The following PAPPA variants were observed in gnomAD, a reference collection of about 807,000 sequenced individuals.
PAPPA encodes pappalysin-1.
PAPPA carries 60 observed loss-of-function variants against 164.0 expected under a neutral mutation model. That is an observed-to-expected ratio of 0.37 (90% CI 0.30 to 0.45). The LOEUF is 0.45. Among genes scored for constraint, PAPPA ranks in the 20% least tolerant of loss-of-function variants. The pLI, the probability that PAPPA is intolerant of heterozygous loss-of-function variation, is 1.00. For missense variants in PAPPA, 1,782 were observed against 2,087.3 expected, an observed-to-expected ratio of 0.85 and a Z score of 2.85; for synonymous variants, 875 against 814.1, an observed-to-expected ratio of 1.07 and a Z score of -1.27.
At chr9:116,297,254 T>C (rs1199657106) in intron 9 of PAPPA, among the ~76,000 whole-genome samples, 2 of 152,200 alleles carry the variant, frequency 1.3e-5, no homozygotes, top group African/African-American at 4.8e-5. Flanking sequence ...CCTTAAATTA[T>C]CCCACTATCC....
intron 1 of PAPPA, among the ~76,000 whole-genome samples, chr9:116,164,590 G>A (rs1244603025): frequency 1.3e-5 from 2 of 152,190 alleles, no homozygotes; most frequent in African/African-American, 4.8e-5. Context: ...TTATAGCCTT[G>A]TGTGTTTAGG....
At position 116,344,393 on chromosome 9, in the gene PAPPA, G is replaced by C. The variant is rs528312433; in HGVS notation, c.3612-150G>C. ...AGAAACTTTAATCGCTGCCTCTAGA[G>C]TCATCTTCACCCTAGCCAGCACCCC... On this transcript the variant is annotated intron_variant, in intron 13 of 21. Coordinates refer to ENST00000328252, the MANE Select transcript of PAPPA (RefSeq NM_002581.5). 1.2e-5 allele frequency: 8 copies of C among 666,042 alleles called. No individual in the cohort carries two copies. In the South Asian group the frequency reaches 1.9e-4, roughly 16 times the overall value. The allele number at this position is 666,042 out of a possible 1,614,324, so 41.3% of individuals were successfully genotyped here. A position where few individuals can be genotyped will look rare whatever the true frequency, so the allele number is the denominator to read the frequency against.
At chr9:116,237,477 C>CT (rs1363399879) in intron 7 of PAPPA, among the ~76,000 whole-genome samples, 1 of 152,194 alleles carries the variant, frequency 6.6e-6, no homozygotes, top group African/African-American at 2.4e-5. Flanking sequence ...CTCAGCTTTC[C>CT]TTTTTTTGCC....
intron 10 of PAPPA, among the ~76,000 whole-genome samples, chr9:116,313,082 C>CAAAAAAAAAAAA (rs59596284): frequency 1.5e-5 from 1 of 68,468 alleles, no homozygotes; most frequent in African/African-American, 5.4e-5. Context: ...GACTCCATCT[C>CAAAAAAAAAAAA]AAAAAAAAAA....
At chr9:116,203,011 A>G (rs1844189449) in intron 2 of PAPPA, among the ~76,000 whole-genome samples, 1 of 152,148 alleles carries the variant, frequency 6.6e-6, no homozygotes, top group African/African-American at 2.4e-5. Context: ...GCTGCAGAAC[A>G]ACCAGCAGAG....
At chr9:116,206,641 A>C (rs1481547950) in intron 2 of PAPPA, among the ~76,000 whole-genome samples, 2 of 152,220 alleles carry the variant, frequency 1.3e-5, no homozygotes, top group Non-Finnish European at 2.9e-5. Context: ...CCAGGTGGCC[A>C]CAAGTGTGTA....
intron 17 of PAPPA, among the ~76,000 whole-genome samples, chr9:116,357,965 A>G (rs1030771781): frequency 6.6e-6 from 1 of 152,214 alleles, no homozygotes; most frequent in Non-Finnish European, 1.5e-5. Context: ...CCTTTCTGCC[A>G]TAAGGGGTGT....
intron 7 of PAPPA, among the ~76,000 whole-genome samples, chr9:116,252,265 G>A (rs893452326): frequency 1.3e-5 from 2 of 152,202 alleles, no homozygotes; most frequent in Non-Finnish European, 2.9e-5. Flanking sequence ...CTGTGTGAGA[G>A]GGATGGACCC....
chr9:116,239,459 G>A (rs1275398716), intron 7 of PAPPA, among the ~76,000 whole-genome samples: 1 of 152,056 alleles, frequency 6.6e-6, no homozygotes, highest in Non-Finnish European at 1.5e-5. Context: ...AGGTGTCTGG[G>A]GTAACAGGTG....
chr9:116,260,236 A>T (rs904908539), intron 7 of PAPPA, among the ~76,000 whole-genome samples: 8 of 152,260 alleles, frequency 5.3e-5, no homozygotes, highest in African/African-American at 1.9e-4. Flanking sequence ...AACAAAAGAT[A>T]TGAAGAAAAT....
intron 14 of PAPPA, among the ~76,000 whole-genome samples, chr9:116,346,490 G>C (rs1338572893): frequency 6.6e-6 from 1 of 152,146 alleles, no homozygotes; most frequent in East Asian, 1.9e-4. Flanking sequence ...TCATAACATG[G>C]AGGAAAAACA....
chr9:116,206,636 T>C (rs1352512769), intron 2 of PAPPA, among the ~76,000 whole-genome samples: 1 of 152,150 alleles, frequency 6.6e-6, no homozygotes, highest in Non-Finnish European at 1.5e-5. Context: ...TTCCCCCAGG[T>C]GGCCACAAGT....
intron 9 of PAPPA, among the ~76,000 whole-genome samples, chr9:116,289,831 T>C (rs1299225129): frequency 2.6e-5 from 4 of 152,194 alleles, no homozygotes; most frequent in Admixed American, 6.5e-5. Flanking sequence ...AAGCAAACAT[T>C]TGAAGAAGTG....
chr9:116,261,172 C>T lies in PAPPA; in HGVS notation c.2733-4685C>T, dbSNP rs16933353. On this transcript the variant is annotated intron_variant, in intron 7 of 21. Coordinates refer to ENST00000328252, the MANE Select transcript of PAPPA (RefSeq NM_002581.5). ...TAAATACAAAATATGATACGTAGTG[C>T]GTAGCATATAATAAGTAGGCAACAC... is the stretch of plus-strand genomic sequence containing the variant. Among the ~76,000 whole-genome samples the T allele has an allele frequency of 1.7e-3, 252 of 152,220 alleles. 2 individuals are homozygous for T. The highest frequency in any genetic ancestry group is 5.8e-3 in the African/African-American group (241 of 41,538).
At position 116,401,586 on chromosome 9, in the gene PAPPA, ATG is replaced by A. The variant is rs749940076; in HGVS notation, c.*4976_*4977del. 8 of 151,288 alleles carry A rather than the reference ATG, an allele frequency of 5.3e-5. No homozygotes were observed. Among genetic ancestry groups the A allele is most frequent in the Non-Finnish European group, 1.0e-4 (7 of 67,760 alleles). The allele number at this position is 151,288 out of a possible 1,614,324, so 9.4% of individuals were successfully genotyped here. A position where few individuals can be genotyped will look rare whatever the true frequency, so the allele number is the denominator to read the frequency against. On this transcript the variant is annotated 3_prime_UTR_variant, in exon 22 of 22. Transcript: ENST00000328252. Reference sequence around the variant, plus strand: ...CACATGTATATATAGTTGTACATATATGTGTGTATATATATACTTAAATGTAA... The same window carrying A: ...CACATGTATATATAGTTGTACATATATGTGTATATATATACTTAAATGTAA...
chr9:116,188,024 AC>A lies in PAPPA; in HGVS notation c.1288del (p.His430ThrfsTer3). The A allele has an allele frequency of 6.2e-7, 1 of 1,614,158 alleles. No individual in the cohort carries two copies. The highest frequency in any genetic ancestry group is 8.5e-7 in the Non-Finnish European group (1 of 1,180,022). ...GATGAGAACTGTGACCCCGAGTGCAACCACACGCTGACGGGCCACGACGGCG... is the reference window on the plus strand; with the variant it reads ...GATGAGAACTGTGACCCCGAGTGCAACACACGCTGACGGGCCACGACGGCG... Reference protein sequence around the residue: ...IGDENCDPECNHTLTGHDGGD... With the variant: ...IGDENCDPECXHTLTGHDGGD... On this transcript the variant is annotated frameshift_variant, in exon 2 of 22. Transcript: ENST00000328252. LOFTEE classifies it high-confidence loss of function.
In PAPPA at chr9:116,154,141, G is replaced by A. The variant is rs1368533451; in HGVS notation, c.-32G>A. 3 of 1,440,144 alleles carry A rather than the reference G, an allele frequency of 2.1e-6. No homozygotes were observed. The highest frequency in any genetic ancestry group is 2.5e-5 in the South Asian group (2 of 80,502). 89.2% of individuals were successfully genotyped at this position (1,440,144 alleles called of 1,614,324 possible). On this transcript the variant is annotated 5_prime_UTR_variant, in exon 1 of 22. Transcript: ENST00000328252. This position sits in a 1 kb window ranked among gnomAD's most constrained non-coding sequence, Gnocchi z 5.2. Reference sequence around the variant, plus strand: ...CTGGCAGCTCCGGGTGGCGGTGCAGGGGCGAAGGGGGGGCGGGGGGAACCG... The same window carrying A: ...CTGGCAGCTCCGGGTGGCGGTGCAGAGGCGAAGGGGGGGCGGGGGGAACCG...
chr9:116,244,089 C>T (rs1267861234), intron 7 of PAPPA, among the ~76,000 whole-genome samples: 1 of 152,124 alleles, frequency 6.6e-6, no homozygotes. Flanking sequence ...AAGTATTTCT[C>T]AGAATGAAAT....
chr9:116,269,778 G>T (rs1266389575), intron 8 of PAPPA, among the ~76,000 whole-genome samples: 2 of 152,156 alleles, frequency 1.3e-5, no homozygotes, highest in Admixed American at 6.5e-5. Flanking sequence ...TGTTTTTAAA[G>T]TCTTTTCCAA....
Sources: allele counts gnomAD v4.1 joint callset (sites outside exome capture counted in the v4.1 genomes callset), GRCh38; gene constraint gnomAD v4.1.1; non-coding constraint Gnocchi (gnomAD v3.1); transcripts MANE v1.5; gene names NCBI Gene and HGNC (gene_info 2026-07-23, HGNC 2026-07-21).